CNTN5: variants seen among roughly 807,000 people sequenced by gnomAD.
CNTN5 encodes the protein contactin-5.
A neutral mutation model predicts 129.1 loss-of-function variants in CNTN5; 77 were observed. The observed-to-expected ratio is 0.60, with a 90% CI of 0.50 to 0.72. The LOEUF is 0.72. Among genes scored for constraint, CNTN5 ranks in the 30% least tolerant of loss-of-function variants. CNTN5 has a pLI of 0.00. For synonymous variants in CNTN5, 509 were observed against 465.6 expected (o/e 1.09, Z -1.20); for missense variants, 1,478 against 1,328.8 (o/e 1.11, Z -1.75).
chr11:99,735,172 TAGAAGAGATTACGTTCTAAGG>T (rs1943663513), intron 3 of CNTN5, among the ~76,000 whole-genome samples: 1 of 152,142 alleles, frequency 6.6e-6, no homozygotes, highest in Admixed American at 6.5e-5. Context: ...GCTTACCTTT[TAGAAGAGATTACGTTCTAAGG>T]TGTGTTAGTT....
chr11:100,001,648 A>G (rs370939954), intron 8 of CNTN5, among the ~76,000 whole-genome samples: 3 of 152,294 alleles, frequency 2.0e-5, no homozygotes, highest in African/African-American at 7.2e-5. Flanking sequence ...CATATTATAG[A>G]TATTCAATAA....
At chr11:99,512,423 G>C (rs1329834916) in intron 2 of CNTN5, among the ~76,000 whole-genome samples, 2 of 152,050 alleles carry the variant, frequency 1.3e-5, no homozygotes, top group African/African-American at 2.4e-5. Flanking sequence ...TCGCCTAATG[G>C]GGCATTTCTC....
At position 99,292,785 on chromosome 11, in the gene CNTN5, A is replaced by G. The variant is rs76179469; in HGVS notation, c.-209-32561A>G. Among the ~76,000 whole-genome samples, 190 of 152,262 alleles carry G rather than the reference A, an allele frequency of 1.2e-3. 6 individuals are homozygous for G. In the East Asian group the frequency reaches 0.036, roughly 29 times the overall value. On this transcript the variant is annotated intron_variant, in intron 1 of 24. Transcript: ENST00000524871. ...CCCAGCTCTCTGGACTTAATCACAAAGGGAGATGAGGCCAAGCCTTGGGAG... is the reference window on the plus strand; with the variant it reads ...CCCAGCTCTCTGGACTTAATCACAAGGGGAGATGAGGCCAAGCCTTGGGAG...
chr11:99,804,275 G>A (rs59002321), intron 3 of CNTN5, among the ~76,000 whole-genome samples: 4,361 of 152,142 alleles, frequency 0.029, 181 homozygotes, highest in Admixed American at 0.093. Flanking sequence ...TACCAAATGT[G>A]TACCCTAGCT....
intron 2 of CNTN5, among the ~76,000 whole-genome samples, chr11:99,554,445 G>A (rs1948602153): frequency 1.3e-5 from 2 of 152,082 alleles, no homozygotes; most frequent in South Asian, 2.1e-4. Context: ...ACCCATGTAT[G>A]TGTGTGCACA....
chr11:100,157,356 C>A (rs920166243), intron 13 of CNTN5, among the ~76,000 whole-genome samples: 1 of 151,640 alleles, frequency 6.6e-6, no homozygotes, highest in African/African-American at 2.4e-5. Context: ...ATATTTTAAG[C>A]AGATATTTAA....
At chr11:99,729,943 A>G (rs1336121697) in intron 3 of CNTN5, among the ~76,000 whole-genome samples, 1 of 152,112 alleles carries the variant, frequency 6.6e-6, no homozygotes, top group Non-Finnish European at 1.5e-5. Flanking sequence ...AAAATAGGTA[A>G]TTCATGCTGG....
intron 13 of CNTN5, among the ~76,000 whole-genome samples, chr11:100,189,981 T>A (rs2138497758): frequency 1.3e-5 from 2 of 152,280 alleles, no homozygotes; most frequent in East Asian, 3.9e-4. Context: ...GCAGTTTTTT[T>A]CAGCAGCCTA....
At chr11:100,157,776 A>C (rs909165679) in intron 13 of CNTN5, among the ~76,000 whole-genome samples, 6 of 151,948 alleles carry the variant, frequency 3.9e-5, no homozygotes, top group Admixed American at 3.3e-4. Context: ...GAATGGATAG[A>C]AACACCAAAC....
chr11:100,065,765 C>T (rs1211753665), intron 10 of CNTN5, among the ~76,000 whole-genome samples: 1 of 152,070 alleles, frequency 6.6e-6, no homozygotes, highest in Non-Finnish European at 1.5e-5. Flanking sequence ...CAGATAATTT[C>T]TACTTTCTAT....
intron 2 of CNTN5, among the ~76,000 whole-genome samples, chr11:99,496,198 C>T (rs574947330): frequency 7.9e-5 from 12 of 152,010 alleles, no homozygotes; most frequent in Non-Finnish European, 1.8e-4. Flanking sequence ...AGAAGCGTGA[C>T]GAGGACTGAG....
At chr11:99,991,907 C>T (rs1393556040) in intron 8 of CNTN5, among the ~76,000 whole-genome samples, 1 of 152,110 alleles carries the variant, frequency 6.6e-6, no homozygotes, top group Non-Finnish European at 1.5e-5. Flanking sequence ...GGTCAGGTGT[C>T]CATACCAAGT....
In CNTN5 at chr11:99,819,750, G is replaced by T; in HGVS notation, c.262G>T (p.Ala88Ser). The change falls in exon 4 of 25, where the codon GCC (alanine) becomes TCC (serine). Residue 88 changes from alanine to serine, a missense_variant. Ala to Ser is a moderately conservative substitution (Grantham distance 99). Coordinates refer to ENST00000524871, the MANE Select transcript of CNTN5 (RefSeq NM_014361.4). ...CATCAATCTTTATCATTCCTCAGAT[G>T]CCTTCAAACAAGATGGTAAGTGTCA... ...SPINLYHSSD[A>S]FKQDESVDYG... 1 of 1,579,234 alleles carries T rather than the reference G, an allele frequency of 6.3e-7. No individual in the cohort carries two copies. Among genetic ancestry groups the T allele is most frequent in the African/African-American group, 1.3e-5 (1 of 74,320 alleles).
intron 7 of CNTN5, among the ~76,000 whole-genome samples, chr11:99,925,918 A>G (rs1297015305): frequency 2.6e-5 from 4 of 152,112 alleles, no homozygotes; most frequent in African/African-American, 7.2e-5. Context: ...ATATTGTACC[A>G]TCATATTTCA....
chr11:99,322,036 G>C (rs1234330604), intron 1 of CNTN5, among the ~76,000 whole-genome samples: 4 of 152,220 alleles, frequency 2.6e-5, no homozygotes, highest in Admixed American at 1.3e-4. Context: ...CCATAAACTT[G>C]TATGTCTATT....
chr11:99,858,133 G>T (rs1043537136), intron 6 of CNTN5, among the ~76,000 whole-genome samples: 7 of 151,910 alleles, frequency 4.6e-5, no homozygotes, highest in African/African-American at 9.7e-5. Flanking sequence ...TTTATGTCAC[G>T]CCTCTTAATA....
At chr11:99,488,215 C>T (rs1321485539) in intron 2 of CNTN5, among the ~76,000 whole-genome samples, 1 of 141,376 alleles carries the variant, frequency 7.1e-6, no homozygotes, top group Admixed American at 7.4e-5. Flanking sequence ...CTCTGTCGTC[C>T]AGGCTGGAGT....
At chr11:99,882,744 G>T (rs972074974) in intron 6 of CNTN5, among the ~76,000 whole-genome samples, 1 of 152,062 alleles carries the variant, frequency 6.6e-6, no homozygotes, top group Non-Finnish European at 1.5e-5. Context: ...TTTTTAAAAT[G>T]TGCAATTCAA....
intron 3 of CNTN5, among the ~76,000 whole-genome samples, chr11:99,639,081 GC>G (rs1352194804): frequency 6.6e-6 from 1 of 152,198 alleles, no homozygotes; most frequent in Admixed American, 6.5e-5. Context: ...TGAAATCTAG[GC>G]AAAGGTTCCC....
Sources: gnomAD v4.1 joint callset for allele counts (sites outside exome capture counted in the v4.1 genomes callset) on GRCh38, gnomAD v4.1.1 for gene constraint, MANE v1.5 for transcripts, NCBI Gene and HGNC (gene_info 2026-07-23, HGNC 2026-07-21) for gene names.